Variants in RERE observed in about 807,000 individuals in gnomAD.
RERE encodes the protein arginine-glutamic acid dipeptide repeats protein.
A neutral mutation model predicts 146.1 loss-of-function variants in RERE; 40 were observed. The observed-to-expected ratio is 0.27, with a 90% CI of 0.21 to 0.36. The LOEUF (loss-of-function observed/expected upper bound fraction) is 0.36. RERE is among the 10% of genes least tolerant of loss of function. RERE has a pLI of 1.00. For synonymous variants in RERE, 1,003 were observed against 866.0 expected, an observed-to-expected ratio of 1.16 and a Z score of -2.78; for missense variants, 1,933 against 2,138.7, an observed-to-expected ratio of 0.90 and a Z score of 1.90.
chr1:8,789,309 T>C (rs1261274744), intron 1 of RERE, among the ~76,000 whole-genome samples: 3 of 76,908 alleles, frequency 3.9e-5, no homozygotes, highest in Non-Finnish European at 8.0e-5. Flanking sequence ...AAAATATATA[T>C]ATATATATAT....
chr1:8,800,714 C>CCAG (rs1231938024), intron 1 of RERE, among the ~76,000 whole-genome samples: 1 of 152,102 alleles, frequency 6.6e-6, no homozygotes, highest in East Asian at 1.9e-4. Context: ...ACCTGTAATC[C>CCAG]CAGCACTTTG....
At chr1:8,450,733 T>C (rs1463356055) in intron 11 of RERE, among the ~76,000 whole-genome samples, 3 of 152,194 alleles carry the variant, frequency 2.0e-5, no homozygotes, top group Non-Finnish European at 4.4e-5. Context: ...TCATCAACCA[T>C]GCCCATCCGG....
chr1:8,668,766 G>A (rs370850918), intron 1 of RERE, among the ~76,000 whole-genome samples: 2 of 152,160 alleles, frequency 1.3e-5, no homozygotes, highest in South Asian at 2.1e-4. Context: ...CAGATCCATA[G>A]GGACAGAGAG....
At chr1:8,581,378 T>A (rs542498902) in intron 4 of RERE, among the ~76,000 whole-genome samples, 7 of 152,222 alleles carry the variant, frequency 4.6e-5, no homozygotes, top group Admixed American at 3.9e-4. Flanking sequence ...GTATTCTGCA[T>A]CCAATTGCTT....
chr1:8,479,471 T>G (rs1040869435), intron 10 of RERE, among the ~76,000 whole-genome samples: 10 of 152,130 alleles, frequency 6.6e-5, no homozygotes, highest in Non-Finnish European at 1.3e-4. Context: ...TTTGCAGATG[T>G]GCTAAGGATC....
intron 4 of RERE, among the ~76,000 whole-genome samples, chr1:8,577,150 CAG>C (rs948518649): frequency 2.1e-5 from 3 of 145,272 alleles, no homozygotes; most frequent in Admixed American, 6.9e-5. Context: ...GCCTGGGCGA[CAG>C]AGAGAGACTC....
rs184529316 is a variant in RERE at position 8,725,517 on chromosome 1, C to T, written c.-144-69076G>A. On this transcript the variant is annotated intron_variant, in intron 1 of 22. Coordinates refer to ENST00000400908, the MANE Select transcript of RERE (RefSeq NM_001042681.2). ...GGAGGCAGAGGTTGCAGTAAGCCGA[C>T]ATCGTGCCACTGCACTCCAGCCTGA... Among the ~76,000 whole-genome samples the T allele has an allele frequency of 8.3e-4, 126 of 152,184 alleles. 1 individual carries two copies. The highest frequency in any genetic ancestry group is 4.3e-3 in the Admixed American group (66 of 15,280).
intron 12 of RERE, among the ~76,000 whole-genome samples, chr1:8,367,153 A>G (rs941853088): frequency 6.6e-6 from 1 of 152,212 alleles, no homozygotes; most frequent in Non-Finnish European, 1.5e-5. Flanking sequence ...GGATGGAAAG[A>G]CTAGTGTTGG....
chr1:8,794,976 C>CG (rs1315739640), intron 1 of RERE, among the ~76,000 whole-genome samples: 5 of 151,968 alleles, frequency 3.3e-5, no homozygotes, highest in Non-Finnish European at 7.4e-5. Context: ...TCACGCCCAG[C>CG]TAATATTTTT....
chr1:8,432,173 C>CTAGT (rs1644104558), intron 11 of RERE, among the ~76,000 whole-genome samples: 1 of 152,176 alleles, frequency 6.6e-6, no homozygotes, highest in South Asian at 2.1e-4. Context: ...TATCGGTCTG[C>CTAGT]TAGTTAGTTA....
intron 2 of RERE, 61 bp from the exon 3 acceptor site, chr1:8,624,441 C>T: frequency 1.9e-6 from 2 of 1,037,992 alleles, no homozygotes; most frequent in Non-Finnish European, 3.0e-6. Context: ...AAAGACAGGG[C>T]CCATAAAGCC....
At chr1:8,639,025 G>A (rs553697681) in intron 2 of RERE, among the ~76,000 whole-genome samples, 12 of 152,018 alleles carry the variant, frequency 7.9e-5, no homozygotes, top group East Asian at 3.9e-4. Flanking sequence ...CTCCCATCTC[G>A]GCCTCCCAAA....
At chr1:8,602,334 T>C (rs1646643233) in intron 4 of RERE, among the ~76,000 whole-genome samples, 1 of 150,580 alleles carries the variant, frequency 6.6e-6, no homozygotes, top group Admixed American at 6.6e-5. Flanking sequence ...AACGCTGCAG[T>C]GAGCTGAGAC....
rs1647187281 is a variant in RERE, at chr1:8,642,022, A to T, written c.325+13951T>A. ...AGAAAAGTGCAGAAGGATTTAACAG[A>T]ATCAAAAGTATCGTATTAACATTTT... is the stretch of plus-strand genomic sequence containing the variant. On this transcript the variant is annotated intron_variant, in intron 2 of 22. Coordinates refer to ENST00000400908, the MANE Select transcript of RERE (RefSeq NM_001042681.2). Among the ~76,000 whole-genome samples the T allele has an allele frequency of 2.0e-5, 3 of 152,234 alleles. No homozygotes were observed. In the South Asian group the frequency reaches 6.2e-4, roughly 32 times the overall value.
In RERE at chr1:8,352,850, A is replaced by C. The variant is rs1391305846; in HGVS notation, c.*2237T>G. ...CCTTGGGATATGGGGAGAAAAGCAA[A>C]GCTAACAAGAATGCCTTCGGACGGC... is the stretch of plus-strand genomic sequence containing the variant. On this transcript the variant is annotated 3_prime_UTR_variant, in exon 23 of 23. Coordinates refer to ENST00000400908, the MANE Select transcript of RERE (RefSeq NM_001042681.2). 6.6e-6 allele frequency: 1 copy of C among 152,594 alleles called. No homozygotes were observed. The highest frequency in any genetic ancestry group is 1.5e-5 in the Non-Finnish European group (1 of 68,060). The allele number at this position is 152,594 out of a possible 1,614,324, so 9.5% of individuals were successfully genotyped here. A position where few individuals can be genotyped will look rare whatever the true frequency, so the allele number is the denominator to read the frequency against.
chr1:8,355,787 G>A (rs1641266619), intron 21 of RERE, among the ~76,000 whole-genome samples, 188 bp from the exon 22 acceptor site: 1 of 152,068 alleles, frequency 6.6e-6, no homozygotes, highest in Non-Finnish European at 1.5e-5. Context: ...GTGCCCTTGG[G>A]TGCCTCTGCC....
At chr1:8,693,805 C>G (rs941355283) in intron 1 of RERE, among the ~76,000 whole-genome samples, 1 of 151,948 alleles carries the variant, frequency 6.6e-6, no homozygotes, top group Non-Finnish European at 1.5e-5. Flanking sequence ...CAAACTAATT[C>G]AAGATGTTAA....
At chr1:8,480,511 C>G (rs998280205) in intron 10 of RERE, among the ~76,000 whole-genome samples, 2 of 151,082 alleles carry the variant, frequency 1.3e-5, no homozygotes, top group African/African-American at 4.9e-5. Flanking sequence ...TCTCGGCTCA[C>G]TGCAAACTCC....
chr1:8,436,461 A>T (rs1281692471), intron 11 of RERE, among the ~76,000 whole-genome samples: 2 of 152,234 alleles, frequency 1.3e-5, no homozygotes, highest in Non-Finnish European at 2.9e-5. Flanking sequence ...AAGTTATGTC[A>T]TTAAAATGTT....
Sources: allele counts gnomAD v4.1 joint callset (sites outside exome capture counted in the v4.1 genomes callset), GRCh38; gene constraint gnomAD v4.1.1; transcripts MANE v1.5; gene names NCBI Gene and HGNC (gene_info 2026-07-23, HGNC 2026-07-21).